Variants in PCDHA5 observed in about 807,000 individuals in gnomAD.
The protein encoded by PCDHA5 is protocadherin alpha-5.
A neutral mutation model predicts 61.6 loss-of-function variants in PCDHA5; 43 were observed. The observed-to-expected ratio is 0.70, with a 90% CI of 0.55 to 0.90. PCDHA5 has a LOEUF of 0.90. Among genes scored for constraint, PCDHA5 ranks in the 40% least tolerant of loss-of-function variants. The pLI is 0.00. For synonymous variants in PCDHA5, 627 were observed against 543.9 expected (o/e 1.15, Z -2.13); for missense variants, 1,298 against 1,222.7 (o/e 1.06, Z -0.92).
chr5:140,948,528 T>C (rs1234543318), intron 1 of PCDHA5, among the ~76,000 whole-genome samples: 1 of 151,686 alleles, frequency 6.6e-6, no homozygotes, highest in Non-Finnish European at 1.5e-5. Context: ...ACTATTTATA[T>C]TTTATTTCAT....
At chr5:140,990,628 G>A (rs1380038956) in intron 3 of PCDHA5, among the ~76,000 whole-genome samples, 1 of 152,154 alleles carries the variant, frequency 6.6e-6, no homozygotes, top group African/African-American at 2.4e-5. Flanking sequence ...TCTGTGGTAA[G>A]ACTAGAAGCC....
chr5:140,966,452 C>T, intron 1 of PCDHA5: 1 of 425,890 alleles, frequency 2.3e-6, no homozygotes, highest in South Asian at 9.0e-5. Flanking sequence ...TTTCCCCCTC[C>T]CCCTCTGTCT....
At position 140,856,167 on chromosome 5, in the gene PCDHA5, A is replaced by T. The variant is rs141221498; in HGVS notation, c.2352+32040A>T. ...TACTCAGTCTACGAGGAGGCCAGAC[A>T]CGGCACCTTCGTGGGCCGCATCGCG... is the stretch of plus-strand genomic sequence containing the variant. On this transcript the variant is annotated intron_variant, in intron 1 of 3. Coordinates refer to ENST00000529859, the MANE Select transcript of PCDHA5 (RefSeq NM_018908.3). 4.0e-5 allele frequency: 64 copies of T among 1,598,222 alleles called. 4 individuals carry two copies. The African/African-American group carries it at 8.5e-4, about 21-fold the overall frequency.
In PCDHA5 at chr5:140,842,752, G is replaced by A; in HGVS notation, c.2352+18625G>A. The A allele has an allele frequency of 8.2e-6, 13 of 1,595,020 alleles. 2 individuals are homozygous for A. The highest frequency in any genetic ancestry group is 1.1e-5 in the Non-Finnish European group (13 of 1,165,472). ...CGCCGGGCTGCCACATCTTCACGGT[G>A]TCTGCGCGAGACGCGGACGCGCAGG... On this transcript the variant is annotated intron_variant, in intron 1 of 3. Transcript: ENST00000529859.
intron 1 of PCDHA5, chr5:140,828,496 A>G: frequency 1.9e-6 from 3 of 1,614,252 alleles, no homozygotes; most frequent in Non-Finnish European, 2.5e-6. Flanking sequence ...TGTTCCCGGT[A>G]GAGGAACAAA....
In PCDHA5 at chr5:140,858,199, T is replaced by C. The variant is rs142593526; in HGVS notation, c.2352+34072T>C. The C allele has an allele frequency of 1.4e-4, 227 of 1,596,922 alleles. 11 individuals carry two copies. The African/African-American group carries it at 2.3e-3, about 16-fold the overall frequency. On this transcript the variant is annotated intron_variant, in intron 1 of 3. Coordinates refer to ENST00000529859, the MANE Select transcript of PCDHA5 (RefSeq NM_018908.3). ...TGGTGCTCACGCTGCTGCTGTACAC[T>C]GCACTGAGGTGCTCGGCGGCGCCCA...
chr5:140,822,561 A>T lies in PCDHA5; in HGVS notation c.786A>T (p.Lys262Asn), dbSNP rs1462870943. Residue 262 changes from lysine to asparagine, a missense_variant, in exon 1 of 4, where the codon AAA (lysine) becomes AAT (asparagine). By Grantham distance (94) the Lys-to-Asn change is moderately conservative. Coordinates refer to ENST00000529859, the MANE Select transcript of PCDHA5 (RefSeq NM_018908.3). Reference protein sequence around the residue: ...ENAPSGTLVIKLNASDADEGI... With the variant: ...ENAPSGTLVINLNASDADEGI... ...CACCAAGTGGGACATTAGTTATTAA[A>T]CTGAACGCCTCAGATGCAGATGAGG... 13 of 1,613,422 alleles carry T rather than the reference A, an allele frequency of 8.1e-6. No individual in the cohort carries two copies. The highest frequency in any genetic ancestry group is 1.1e-5 in the Non-Finnish European group (13 of 1,179,622).
intron 1 of PCDHA5, chr5:140,848,890 T>A (rs1554142528): frequency 3.1e-6 from 5 of 1,595,934 alleles, no homozygotes; most frequent in Non-Finnish European, 4.3e-6. Context: ...AACCCTCCAG[T>A]GTTCCCAGCG....
chr5:140,876,378 T>G (rs1554168503), intron 1 of PCDHA5: 1 of 1,613,948 alleles, frequency 6.2e-7, no homozygotes. Flanking sequence ...CAGGTGAAAT[T>G]AGAATTTATG....
intron 1 of PCDHA5, among the ~76,000 whole-genome samples, chr5:140,831,935 G>C (rs1470803864): frequency 6.6e-6 from 1 of 152,098 alleles, no homozygotes; most frequent in Admixed American, 6.6e-5. Flanking sequence ...CTAGTTTTCC[G>C]AAGAGGAAAA....
At chr5:140,951,589 C>A (rs2094605772) in intron 1 of PCDHA5, among the ~76,000 whole-genome samples, 1 of 152,088 alleles carries the variant, frequency 6.6e-6, no homozygotes, top group Admixed American at 6.5e-5. Flanking sequence ...TTCACGAGAT[C>A]TCTCTCACTG....
chr5:140,855,100 C>G (rs1054682058), intron 1 of PCDHA5, among the ~76,000 whole-genome samples: 2 of 149,782 alleles, frequency 1.3e-5, no homozygotes, highest in Non-Finnish European at 3.0e-5. Flanking sequence ...TGTGCAGTAG[C>G]AATAATTAAG....
chr5:140,870,085 C>A, intron 1 of PCDHA5: 1 of 1,613,862 alleles, frequency 6.2e-7, no homozygotes, highest in Non-Finnish European at 8.5e-7. Context: ...GGGGACTCCC[C>A]CAATGGCAGG....
chr5:140,967,229 C>T, intron 1 of PCDHA5: 2 of 1,613,760 alleles, frequency 1.2e-6, no homozygotes, highest in East Asian at 2.2e-5. Flanking sequence ...CAACTACCAG[C>T]TTCAGGTAAG....
At chr5:140,914,140 T>C (rs1006570934) in intron 1 of PCDHA5, among the ~76,000 whole-genome samples, 2 of 152,230 alleles carry the variant, frequency 1.3e-5, no homozygotes, top group African/African-American at 4.8e-5. Flanking sequence ...AGTTTTTGTC[T>C]GTCAGTTCTG....
intron 1 of PCDHA5, among the ~76,000 whole-genome samples, chr5:140,885,298 G>C (rs1328478663): frequency 6.6e-6 from 1 of 152,040 alleles, no homozygotes; most frequent in East Asian, 1.9e-4. Flanking sequence ...AGAGAGACCT[G>C]GTAGGCTTTT....
intron 1 of PCDHA5, among the ~76,000 whole-genome samples, chr5:140,935,338 T>C (rs2090317634): frequency 1.3e-5 from 2 of 152,364 alleles, no homozygotes; most frequent in African/African-American, 4.8e-5. Context: ...ATTTCTCCCA[T>C]ACGTCAAATC....
chr5:140,846,328 A>G (rs188043229), intron 1 of PCDHA5, among the ~76,000 whole-genome samples: 2 of 147,118 alleles, frequency 1.4e-5, no homozygotes, highest in East Asian at 3.9e-4. Flanking sequence ...TGTTGTAAAT[A>G]GCCTTTTAAA....
chr5:140,986,371 G>A (rs1453761888), intron 3 of PCDHA5, among the ~76,000 whole-genome samples: 1 of 152,116 alleles, frequency 6.6e-6, no homozygotes, highest in African/African-American at 2.4e-5. Context: ...AATGCGTTTT[G>A]GGGGGAGGGA....
Sources: gnomAD v4.1 joint callset for allele counts (sites outside exome capture counted in the v4.1 genomes callset) on GRCh38, gnomAD v4.1.1 for gene constraint, MANE v1.5 for transcripts, NCBI Gene and HGNC (gene_info 2026-07-23, HGNC 2026-07-21) for gene names.